The following BBOX1 variants were observed in gnomAD, a reference collection of about 807,000 sequenced individuals.
BBOX1 encodes gamma-butyrobetaine hydroxylase 1.
In BBOX1, 35 loss-of-function variants were observed where a neutral mutation model predicts 41.6. The observed-to-expected ratio is 0.84, with a 90% CI of 0.64 to 1.11. BBOX1 has a LOEUF of 1.11. BBOX1 is among the 50% of genes most tolerant of loss of function. The pLI is 0.00. For synonymous variants in BBOX1, 163 were observed against 154.7 expected, an observed-to-expected ratio of 1.05 and a Z score of -0.40; for missense variants, 458 against 460.6, an observed-to-expected ratio of 0.99 and a Z score of 0.05.
chr11:27,070,597 G>T (rs1255668344), intron 4 of BBOX1, among the ~76,000 whole-genome samples: 2 of 151,726 alleles, frequency 1.3e-5, no homozygotes, highest in African/African-American at 4.8e-5. Flanking sequence ...CTCGCTTTTG[G>T]TTTCTATTTG....
At chr11:27,098,881 C>A (rs1858541748) in intron 5 of BBOX1, among the ~76,000 whole-genome samples, 1 of 73,190 alleles carries the variant, frequency 1.4e-5, no homozygotes, top group Non-Finnish European at 2.5e-5. Flanking sequence ...CTCTACCAGT[C>A]TAACCTTTGA....
At chr11:27,125,564 T>C in intron 7 of BBOX1, 90 bp from the exon 8 acceptor site, 1 of 1,156,748 alleles carries the variant, frequency 8.6e-7, no homozygotes, top group East Asian at 2.7e-5. Context: ...ATATGGTGTT[T>C]CAAAAATATA....
chr11:27,044,447 G>A (rs935112782), intron 2 of BBOX1, among the ~76,000 whole-genome samples: 3 of 152,240 alleles, frequency 2.0e-5, no homozygotes, highest in South Asian at 4.1e-4. Flanking sequence ...ATTAGATCCA[G>A]TTTGTCAATT....
chr11:27,123,953 G>T (rs1312595369), intron 7 of BBOX1, among the ~76,000 whole-genome samples: 1 of 152,076 alleles, frequency 6.6e-6, no homozygotes, highest in Non-Finnish European at 1.5e-5. Flanking sequence ...TCCCAGTGTG[G>T]GTTCAATAGG....
chr11:27,114,725 CATATCAT>C (rs761795869), intron 5 of BBOX1, among the ~76,000 whole-genome samples: 161 of 43,424 alleles, frequency 3.7e-3, no homozygotes, highest in Non-Finnish European at 1.0e-2. Flanking sequence ...ACCCACAACT[CATATCAT>C]ATGCAAAAAT....
At chr11:27,110,646 C>T (rs73432199) in intron 5 of BBOX1, among the ~76,000 whole-genome samples, 9,030 of 151,988 alleles carry the variant, frequency 0.059, 893 homozygotes, top group African/African-American at 0.21. Context: ...TAGAGCACTT[C>T]CCACAGCATC....
At chr11:27,107,869 T>C (rs777788069) in intron 5 of BBOX1, among the ~76,000 whole-genome samples, 1 of 152,056 alleles carries the variant, frequency 6.6e-6, no homozygotes, top group Non-Finnish European at 1.5e-5. Flanking sequence ...GATGCATAAG[T>C]AAGAACTTAG....
intron 4 of BBOX1, among the ~76,000 whole-genome samples, chr11:27,088,670 C>T (rs184097604): frequency 2.4e-4 from 37 of 151,964 alleles, no homozygotes; most frequent in African/African-American, 8.4e-4. Flanking sequence ...CATAAAAATA[C>T]CCATGATGAT....
intron 3 of BBOX1, 55 bp downstream of exon 3, chr11:27,055,704 G>A (rs1856959938): frequency 6.0e-6 from 9 of 1,496,276 alleles, no homozygotes; most frequent in Non-Finnish European, 8.3e-6. Flanking sequence ...AATGGGGCTA[G>A]TCAACAATAA....
intron 5 of BBOX1, among the ~76,000 whole-genome samples, chr11:27,111,852 GTA>G (rs1859076511): frequency 6.6e-6 from 1 of 151,880 alleles, no homozygotes. Context: ...CCCTTTAAAA[GTA>G]TTCTGAGTGA....
chr11:27,051,456 G>T (rs1160901703), intron 2 of BBOX1, among the ~76,000 whole-genome samples: 1 of 151,970 alleles, frequency 6.6e-6, no homozygotes, highest in African/African-American at 2.4e-5. Context: ...AAGCCATCAG[G>T]TCCTGGAGTT....
Position 27,055,486 on chromosome 11 carries a change from T to C in BBOX1, c.56T>C (p.Ile19Thr). The change falls in exon 3 of 9, where the codon ATC becomes ACC. Residue 19 changes from isoleucine (I) to threonine (T), a missense_variant. Ile to Thr is a moderately conservative substitution (Grantham distance 89). Coordinates refer to ENST00000263182, the MANE Select transcript of BBOX1 (RefSeq NM_003986.3). ...EALDGAHLMQ[I>T]LWYDEEESLY... ...CTTGACGGGGCTCATTTGATGCAGA[T>C]CCTCTGGTATGATGAGGAAGAGTCT... 6.2e-7 allele frequency: 1 copy of C among 1,614,152 alleles called. No individual in the cohort carries two copies. Among genetic ancestry groups the C allele is most frequent in the Non-Finnish European group, 8.5e-7 (1 of 1,180,034 alleles).
At chr11:27,076,894 G>A (rs549946020) in intron 4 of BBOX1, among the ~76,000 whole-genome samples, 71 of 152,230 alleles carry the variant, frequency 4.7e-4, no homozygotes, top group African/African-American at 1.6e-3. Context: ...CATTCACTTG[G>A]CAAGGCAGGT....
intron 2 of BBOX1, among the ~76,000 whole-genome samples, chr11:27,054,234 T>TGTGTGTGTGTGTGTGTGTGTGCGC (rs1491475061): frequency 6.7e-6 from 1 of 148,188 alleles, no homozygotes; most frequent in Admixed American, 6.8e-5. Context: ...TGTGTGTGTG[T>TGTGTGTGTGTGTGTGTGTGTGCGC]GCGTGCACAT....
intron 4 of BBOX1, among the ~76,000 whole-genome samples, chr11:27,089,124 G>A (rs1016088879): frequency 6.6e-6 from 1 of 151,850 alleles, no homozygotes; most frequent in African/African-American, 2.4e-5. Context: ...TTGCCTCCAT[G>A]CTCTTTTCTT....
intron 8 of BBOX1, 82 bp from the exon 9 acceptor site, chr11:27,127,211 T>C: frequency 7.1e-7 from 1 of 1,399,628 alleles, no homozygotes; most frequent in Non-Finnish European, 9.9e-7. Flanking sequence ...AAGCAGCAGC[T>C]GTGTTTTGCA....
At chr11:27,042,511 C>A (rs765696685) in intron 2 of BBOX1, among the ~76,000 whole-genome samples, 5 of 152,070 alleles carry the variant, frequency 3.3e-5, no homozygotes, top group African/African-American at 4.8e-5. Context: ...CACCACCATG[C>A]CTGCCTAATT....
chr11:27,124,581 G>A (rs562413253), intron 7 of BBOX1, among the ~76,000 whole-genome samples: 4 of 152,204 alleles, frequency 2.6e-5, no homozygotes, highest in East Asian at 3.9e-4. Flanking sequence ...GTCGTGGTGC[G>A]ATCTCCGCTC....
In BBOX1 at chr11:27,093,282, T is replaced by A; in HGVS notation, c.449T>A (p.Val150Glu). 6.2e-7 allele frequency: 1 copy of A among 1,612,590 alleles called. No individual in the cohort carries two copies. Among genetic ancestry groups the A allele is most frequent in the Non-Finnish European group, 8.5e-7 (1 of 1,179,072 alleles). ...WLSTLKKVGI[V>E]RLTGASDKPG... ...TCCACCCTCAAGAAAGTAGGCATAG[T>A]AAGACTCACCGGAGCATCTGACAAA... The change falls in exon 5 of 9, where the codon GTA becomes GAA. Residue 150 changes from valine (V) to glutamate (E), a missense_variant. Physicochemically the swap from Val to Glu is moderately radical, Grantham distance 121. Coordinates refer to ENST00000263182, the MANE Select transcript of BBOX1 (RefSeq NM_003986.3).
Sources: allele counts gnomAD v4.1 joint callset (sites outside exome capture counted in the v4.1 genomes callset), GRCh38; gene constraint gnomAD v4.1.1; transcripts MANE v1.5; gene names NCBI Gene and HGNC (gene_info 2026-07-23, HGNC 2026-07-21).